COL21A1: variants seen among roughly 807,000 people sequenced by gnomAD.
COL21A1 encodes collagen alpha-1(XXI) chain.
A neutral mutation model predicts 137.9 loss-of-function variants in COL21A1; 149 were observed. That is an observed-to-expected ratio of 1.08 (90% CI 0.95 to 1.24). COL21A1 has a LOEUF of 1.24. Ranked by LOEUF, COL21A1 falls within the 50% of genes most tolerant of loss-of-function variation. COL21A1 has a pLI of 0.00. For missense variants in COL21A1, 1,167 were observed against 1,158.4 expected (o/e 1.01, Z -0.11); for synonymous variants, 456 against 391.5 (o/e 1.16, Z -1.95).
At chr6:56,348,628 C>T (rs1765644626) in intron 1 of COL21A1, among the ~76,000 whole-genome samples, 1 of 152,032 alleles carries the variant, frequency 6.6e-6, no homozygotes. Context: ...TGCTGGGAGA[C>T]CAGAAAGAGC....
At chr6:56,177,018 GGAA>G (rs145607927) in intron 3 of COL21A1, among the ~76,000 whole-genome samples, 39 of 150,850 alleles carry the variant, frequency 2.6e-4, no homozygotes, top group Middle Eastern at 3.4e-3. Flanking sequence ...AGAAGGAGGA[GGAA>G]GAAGAAGAGG....
chr6:56,385,086 G>T (rs972686608), intron 1 of COL21A1, among the ~76,000 whole-genome samples: 1 of 152,184 alleles, frequency 6.6e-6, no homozygotes, highest in Non-Finnish European at 1.5e-5. Flanking sequence ...CACTAGAAAG[G>T]GTAGCACCGC....
intron 12 of COL21A1, among the ~76,000 whole-genome samples, chr6:56,136,104 G>T (rs1773979489): frequency 6.6e-6 from 1 of 152,134 alleles, no homozygotes; most frequent in Admixed American, 6.5e-5. Flanking sequence ...GAATGGTAGT[G>T]ATTTAAAAGC....
rs758814538 is a variant in COL21A1 at position 56,309,447 on chromosome 6, G to C, written c.-39+84524C>G. ...ATGTTCATGAGAGAGTTTAGAGAGA[G>C]TGTCTTTGAACAGTATAGGTCCAAC... On this transcript the variant is annotated intron_variant, in intron 1 of 28. Transcript: ENST00000370819. 6.6e-5 allele frequency among the ~76,000 whole-genome samples: 10 copies of C among 152,200 alleles called. 1 individual carries two copies. Among genetic ancestry groups the C allele is most frequent in the Admixed American group, 6.5e-4 (10 of 15,278 alleles).
Position 56,124,055 on chromosome 6 carries a change from T to A in COL21A1, c.1758+7A>T. ...TGTTTTGTCCTTTTTTTTTTTTTTA[T>A]AAATACCTTGAAACCGGGACTACCC... On this transcript the variant is annotated splice_region_variant and intron_variant, in intron 16 of 29. Coordinates refer to ENST00000244728, the MANE Select transcript of COL21A1 (RefSeq NM_030820.4). 6.7e-7 allele frequency: 1 copy of A among 1,483,902 alleles called. No individual in the cohort carries two copies. The highest frequency in any genetic ancestry group is 8.9e-7 in the Non-Finnish European group (1 of 1,119,904). 91.9% of individuals were successfully genotyped at this position (1,483,902 alleles called of 1,614,324 possible).
At chr6:56,138,489 GA>G (rs1252866497) in intron 12 of COL21A1, among the ~76,000 whole-genome samples, 1 of 151,976 alleles carries the variant, frequency 6.6e-6, no homozygotes, top group Non-Finnish European at 1.5e-5. Flanking sequence ...GAGAAAACAT[GA>G]AAAGGTAACT....
intron 1 of COL21A1, among the ~76,000 whole-genome samples, chr6:56,311,124 T>TAA (rs1464539296): frequency 6.6e-6 from 1 of 152,232 alleles, no homozygotes; most frequent in Non-Finnish European, 1.5e-5. Context: ...AAACTCTTAA[T>TAA]ATTAGCCCAT....
chr6:56,152,759 T>A (rs1384548891), intron 10 of COL21A1, among the ~76,000 whole-genome samples: 1 of 122,754 alleles, frequency 8.1e-6, no homozygotes, highest in African/African-American at 3.5e-5. Context: ...TTACCCAGGA[T>A]TTTTTTATCA....
At chr6:56,210,826 A>G (rs1263083402) in intron 1 of COL21A1, among the ~76,000 whole-genome samples, 1 of 152,124 alleles carries the variant, frequency 6.6e-6, no homozygotes, top group Non-Finnish European at 1.5e-5. Context: ...ATTATTCAAT[A>G]AATAAATGGT....
chr6:56,062,170 A>T (rs1765851482), intron 24 of COL21A1, among the ~76,000 whole-genome samples: 1 of 152,154 alleles, frequency 6.6e-6, no homozygotes, highest in African/African-American at 2.4e-5. Flanking sequence ...GACTAGTAAG[A>T]CAGAAAACTC....
intron 16 of COL21A1, among the ~76,000 whole-genome samples, chr6:56,106,276 CTTTTA>C (rs772603647): frequency 6.6e-6 from 1 of 152,192 alleles, no homozygotes; most frequent in African/African-American, 2.4e-5. Context: ...CCATCCATTC[CTTTTA>C]TTTTATTACA....
chr6:56,059,730 G>A (rs757345246), intron 28 of COL21A1, among the ~76,000 whole-genome samples: 2 of 152,016 alleles, frequency 1.3e-5, no homozygotes, highest in Non-Finnish European at 2.9e-5. Flanking sequence ...TGGCATCTGT[G>A]ATTTTCTATT....
At chr6:56,087,521 T>G (rs1768379726) in intron 17 of COL21A1, among the ~76,000 whole-genome samples, 1 of 152,168 alleles carries the variant, frequency 6.6e-6, no homozygotes, top group African/African-American at 2.4e-5. Context: ...GCAATGTACT[T>G]CCTGATTTCA....
intron 20 of COL21A1, among the ~76,000 whole-genome samples, chr6:56,073,957 A>G (rs942586722): frequency 7.3e-5 from 11 of 151,554 alleles, no homozygotes; most frequent in African/African-American, 2.2e-4. Context: ...GAGCTCTAGT[A>G]TTCCTCAATA....
At chr6:56,108,662 C>T (rs1771158269) in intron 16 of COL21A1, among the ~76,000 whole-genome samples, 2 of 151,770 alleles carry the variant, frequency 1.3e-5, no homozygotes, top group Admixed American at 1.3e-4. Flanking sequence ...CACTAATATA[C>T]CACTCTCTGT....
intron 1 of COL21A1, among the ~76,000 whole-genome samples, chr6:56,299,351 A>G (rs1157179807): frequency 6.6e-6 from 1 of 152,182 alleles, no homozygotes; most frequent in African/African-American, 2.4e-5. Context: ...GTTCCCTCAA[A>G]TATTTCAAGT....
chr6:56,304,215 C>A (rs996028633), intron 1 of COL21A1, among the ~76,000 whole-genome samples: 66 of 151,738 alleles, frequency 4.3e-4, no homozygotes, highest in South Asian at 2.5e-3. Context: ...TGTCTCTGCC[C>A]AGCTTTGGTA....
At chr6:56,072,335 T>TA (rs1766833286) in intron 20 of COL21A1, among the ~76,000 whole-genome samples, 1 of 151,568 alleles carries the variant, frequency 6.6e-6, no homozygotes, top group African/African-American at 2.4e-5. Flanking sequence ...AAAGGGCAGA[T>TA]TTTTTTAAAA....
intron 3 of COL21A1, among the ~76,000 whole-genome samples, chr6:56,173,354 C>T (rs1925186): frequency 1.3e-5 from 2 of 149,976 alleles, no homozygotes; most frequent in South Asian, 2.1e-4. Flanking sequence ...CTCCAGCCTG[C>T]GCAACAGAAT....
Sources: gnomAD v4.1 joint callset for allele counts (sites outside exome capture counted in the v4.1 genomes callset) on GRCh38, gnomAD v4.1.1 for gene constraint, MANE v1.5 for transcripts, NCBI Gene and HGNC (gene_info 2026-07-23, HGNC 2026-07-21) for gene names.